Variants in TRPM3 observed in about 807,000 individuals in gnomAD.
TRPM3 encodes the protein long transient receptor potential channel 3.
In TRPM3, 77 loss-of-function variants were observed where a neutral mutation model predicts 181.2. That is an observed-to-expected ratio of 0.42 (90% CI 0.35 to 0.51). The LOEUF is 0.51. Ranked by LOEUF, TRPM3 falls within the 20% of genes least tolerant of loss-of-function variation. TRPM3 has a pLI of 0.01. For synonymous variants in TRPM3, 745 were observed against 796.4 expected (o/e 0.94, Z 1.09); for missense variants, 1,759 against 2,196.7 (o/e 0.80, Z 3.98).
At chr9:70,588,173 A>G (rs929207671) in intron 22 of TRPM3, among the ~76,000 whole-genome samples, 1 of 152,210 alleles carries the variant, frequency 6.6e-6, no homozygotes, top group African/African-American at 2.4e-5. Flanking sequence ...GCACATTTGG[A>G]AAGTAACCTT....
chr9:71,142,712 A>G (rs1156663009), intron 1 of TRPM3, among the ~76,000 whole-genome samples: 1 of 152,124 alleles, frequency 6.6e-6, no homozygotes, highest in Non-Finnish European at 1.5e-5. Context: ...AAAAATTTGC[A>G]TGACAAATTA....
intron 1 of TRPM3, among the ~76,000 whole-genome samples, chr9:71,270,093 C>T (rs1182652530): frequency 6.6e-6 from 1 of 152,102 alleles, no homozygotes; most frequent in Non-Finnish European, 1.5e-5. Context: ...TGTCACTCCT[C>T]TGCTTAAAAC....
intron 1 of TRPM3, among the ~76,000 whole-genome samples, chr9:70,934,381 G>C (rs931699015): frequency 2.0e-5 from 3 of 152,170 alleles, no homozygotes; most frequent in African/African-American, 7.2e-5. Context: ...ACTGTTATGT[G>C]GTAAAACCTG....
rs755424451 is a variant in TRPM3, at chr9:70,625,290, G to A, written c.1710C>T (p.Ile570=). Residue 570 remains isoleucine (I), a synonymous_variant, in exon 14 of 26, where the codon ATC becomes ATT. Coordinates refer to ENST00000677713, the MANE Select transcript of TRPM3 (RefSeq NM_001366145.2). The surrounding 1 kb of genome is among the most constrained non-coding windows in gnomAD (Gnocchi z 4.8). ...CCATCAGGTACTCGATCACCAGGCC[G>A]ATGTCAATCAGGCTGATTCTGTAGT... ...PPDYRISLID[I]GLVIEYLMGG... is the part of the protein sequence containing the mutation. 6 of 1,614,060 alleles carry A rather than the reference G, an allele frequency of 3.7e-6. No homozygotes were observed. Among genetic ancestry groups the A allele is most frequent in the Non-Finnish European group, 5.1e-6 (6 of 1,180,032 alleles).
intron 1 of TRPM3, among the ~76,000 whole-genome samples, chr9:71,185,563 C>G (rs922607531): frequency 6.6e-6 from 1 of 152,094 alleles, no homozygotes. Context: ...CTAATTAGGA[C>G]AGCCTTTGAA....
At chr9:70,930,127 G>C (rs574695600) in intron 1 of TRPM3, among the ~76,000 whole-genome samples, 1 of 152,260 alleles carries the variant, frequency 6.6e-6, no homozygotes, top group South Asian at 2.1e-4. Context: ...ATCTGTTTGG[G>C]GGTGGTAGGA....
intron 3 of TRPM3, among the ~76,000 whole-genome samples, chr9:70,851,726 C>T (rs2095236503): frequency 6.6e-6 from 1 of 152,146 alleles, no homozygotes; most frequent in Non-Finnish European, 1.5e-5. Context: ...TCCCAGCTCC[C>T]CATCTTACAG....
chr9:71,214,840 A>G (rs893539228), intron 1 of TRPM3, among the ~76,000 whole-genome samples: 3 of 151,996 alleles, frequency 2.0e-5, no homozygotes, highest in Non-Finnish European at 4.4e-5. Context: ...CATCCTGTTG[A>G]CCTGGAAACT....
chr9:71,253,708 T>C (rs1207080426), intron 1 of TRPM3, among the ~76,000 whole-genome samples: 3 of 152,014 alleles, frequency 2.0e-5, no homozygotes, highest in Admixed American at 6.6e-5. Context: ...TGGGTATATA[T>C]CCAAAGGAAA....
intron 1 of TRPM3, among the ~76,000 whole-genome samples, chr9:70,952,939 C>A (rs2097020748): frequency 6.6e-6 from 1 of 152,176 alleles, no homozygotes; most frequent in Non-Finnish European, 1.5e-5. Flanking sequence ...TATTTTTCTG[C>A]AGCTATGCCA....
chr9:70,584,947 T>A (rs1343485914), intron 22 of TRPM3, among the ~76,000 whole-genome samples: 2 of 152,134 alleles, frequency 1.3e-5, no homozygotes, highest in Non-Finnish European at 2.9e-5. Flanking sequence ...ACACACAACT[T>A]ATCTATGCAA....
At chr9:70,641,376 C>G (rs1205826945) in intron 9 of TRPM3, among the ~76,000 whole-genome samples, 1 of 152,208 alleles carries the variant, frequency 6.6e-6, no homozygotes, top group Non-Finnish European at 1.5e-5. Flanking sequence ...CAAGGCATCA[C>G]TTGAATAGTA....
chr9:71,053,711 G>C (rs113937698), intron 1 of TRPM3, among the ~76,000 whole-genome samples: 2 of 152,038 alleles, frequency 1.3e-5, no homozygotes, highest in African/African-American at 4.8e-5. Context: ...GCTTCTTTCC[G>C]GTTCCTGGTC....
Position 71,178,622 on chromosome 9 carries a change from T to C in TRPM3, c.183+268031A>G, listed in dbSNP as rs562258256. Among the ~76,000 whole-genome samples, 10 of 152,292 alleles carry C rather than the reference T, an allele frequency of 6.6e-5. No individual in the cohort carries two copies. The East Asian group carries it at 1.7e-3, about 26-fold the overall frequency. ...TCTAGAACCATATTTCTTTAGCATATTATATTTATGGCACTAGTAGTTAGA... is the reference window on the plus strand; with the variant it reads ...TCTAGAACCATATTTCTTTAGCATACTATATTTATGGCACTAGTAGTTAGA... On this transcript the variant is annotated intron_variant, in intron 1 of 24. Transcript: ENST00000357533.
chr9:70,616,318 G>C (rs1244929485), intron 17 of TRPM3, among the ~76,000 whole-genome samples: 1 of 152,026 alleles, frequency 6.6e-6, no homozygotes, highest in Non-Finnish European at 1.5e-5. Context: ...GCACAGCTCA[G>C]TCTCATTTTT....
intron 1 of TRPM3, among the ~76,000 whole-genome samples, chr9:71,197,192 A>G (rs2078438831): frequency 1.3e-5 from 2 of 152,164 alleles, no homozygotes; most frequent in Admixed American, 1.3e-4. Context: ...CCTACAAAGG[A>G]CATGAACTCA....
chr9:71,278,908 A>G (rs767566643), intron 1 of TRPM3, among the ~76,000 whole-genome samples: 11 of 152,124 alleles, frequency 7.2e-5, no homozygotes, highest in Non-Finnish European at 1.5e-4. Flanking sequence ...TATAAGCAGA[A>G]ATAGTCCGCT....
chr9:71,200,953 A>G (rs1294395915), intron 1 of TRPM3, among the ~76,000 whole-genome samples: 1 of 151,728 alleles, frequency 6.6e-6, no homozygotes, highest in Non-Finnish European at 1.5e-5. Context: ...TAGTTGATGC[A>G]GTTTCTTCCT....
At chr9:70,967,068 T>C (rs1490450205) in intron 1 of TRPM3, among the ~76,000 whole-genome samples, 1 of 152,108 alleles carries the variant, frequency 6.6e-6, no homozygotes, top group Non-Finnish European at 1.5e-5. Context: ...TTTTCCCTTG[T>C]GAAATTCTTC....
Sources: allele counts gnomAD v4.1 joint callset (sites outside exome capture counted in the v4.1 genomes callset), GRCh38; gene constraint gnomAD v4.1.1; non-coding constraint Gnocchi (gnomAD v3.1); transcripts MANE v1.5; gene names NCBI Gene and HGNC (gene_info 2026-07-23, HGNC 2026-07-21).